TNFSF8: variants seen among roughly 807,000 people sequenced by gnomAD.
TNFSF8 encodes TNF superfamily member 8.
In TNFSF8, 4 loss-of-function variants were observed where a neutral mutation model predicts 22.0. The observed-to-expected ratio is 0.18, with a 90% confidence interval of 0.09 to 0.42. The LOEUF is 0.42. TNFSF8 is among the 10% of genes least tolerant of loss of function. The pLI, the probability that TNFSF8 is intolerant of heterozygous loss-of-function variation, is 1.00. For missense variants in TNFSF8, 233 were observed against 281.8 expected, an observed-to-expected ratio of 0.83 and a Z score of 1.24; for synonymous variants, 106 against 112.5, an observed-to-expected ratio of 0.94 and a Z score of 0.37.
chr9:114,899,070 G>C (rs188557282), downstream of TNFSF8, among the ~76,000 whole-genome samples: 40 of 152,214 alleles, frequency 2.6e-4, no homozygotes, highest in African/African-American at 9.4e-4. Flanking sequence ...TACTAAGCTC[G>C]TATTTGAACA....
At chr9:114,917,416 C>T (rs1827933086) in intron 2 of TNFSF8, among the ~76,000 whole-genome samples, 1 of 152,178 alleles carries the variant, frequency 6.6e-6, no homozygotes, top group East Asian at 1.9e-4. Context: ...CTGGGTCTTC[C>T]TTTTCCTTCT....
intron 2 of TNFSF8, among the ~76,000 whole-genome samples, chr9:114,914,195 T>G (rs1827888806): frequency 6.6e-6 from 1 of 152,078 alleles, no homozygotes; most frequent in East Asian, 1.9e-4. Flanking sequence ...CCAGGGAGGA[T>G]AGCTGTCCCT....
chr9:114,913,031 G>C, intron 2 of TNFSF8, among the ~76,000 whole-genome samples: 1 of 152,182 alleles, frequency 6.6e-6, no homozygotes, highest in East Asian at 1.9e-4. Context: ...CATCTGGCTT[G>C]TTCCCCTCAC....
downstream of TNFSF8, among the ~76,000 whole-genome samples, chr9:114,899,264 A>G (rs1371030320): frequency 6.6e-6 from 1 of 152,154 alleles, no homozygotes; most frequent in Admixed American, 6.6e-5. Flanking sequence ...GAGAAGGCAC[A>G]CTAGAATAGT....
intron 1 of TNFSF8, among the ~76,000 whole-genome samples, chr9:114,924,799 G>A (rs1031418336): frequency 6.6e-6 from 1 of 152,322 alleles, no homozygotes; most frequent in Non-Finnish European, 1.5e-5. Context: ...CGGAACCCAA[G>A]AACTTGGTGT....
chr9:114,925,700 T>C (rs1263469877), intron 1 of TNFSF8, among the ~76,000 whole-genome samples: 1 of 152,116 alleles, frequency 6.6e-6, no homozygotes, highest in Non-Finnish European at 1.5e-5. Context: ...ATTATTATTA[T>C]TTTTAAAAAA....
At chr9:114,907,919 C>A (rs1165388222) in intron 2 of TNFSF8, among the ~76,000 whole-genome samples, 1 of 152,124 alleles carries the variant, frequency 6.6e-6, no homozygotes, top group Non-Finnish European at 1.5e-5. Flanking sequence ...GAGTAGAGAT[C>A]CAAACTCAGG....
intron 2 of TNFSF8, among the ~76,000 whole-genome samples, chr9:114,914,626 T>C (rs1192770866): frequency 1.3e-5 from 2 of 152,180 alleles, no homozygotes; most frequent in Non-Finnish European, 2.9e-5. Context: ...CCAAAGGACA[T>C]AGGTTCAACC....
At chr9:114,929,134 G>T (rs1427500036) in intron 1 of TNFSF8, among the ~76,000 whole-genome samples, 1 of 152,002 alleles carries the variant, frequency 6.6e-6, no homozygotes, top group African/African-American at 2.4e-5. Flanking sequence ...AATATATACT[G>T]GTAGATTCTC....
downstream of TNFSF8, among the ~76,000 whole-genome samples, chr9:114,897,214 T>C (rs1827664920): frequency 6.6e-6 from 1 of 152,166 alleles, no homozygotes; most frequent in African/African-American, 2.4e-5. Flanking sequence ...AAATTATTTC[T>C]AAGAAAAATA....
chr9:114,909,118 G>A (rs780246059), intron 2 of TNFSF8, among the ~76,000 whole-genome samples: 5 of 152,214 alleles, frequency 3.3e-5, no homozygotes, highest in African/African-American at 4.8e-5. Context: ...CAAAAAAGAG[G>A]TGGGCTGCTT....
chr9:114,903,852 CT>C lies in TNFSF8; in HGVS notation c.*78del, dbSNP rs1564367412. 6.6e-7 allele frequency: 1 copy of C among 1,519,102 alleles called. No homozygotes were observed. 94.1% of individuals were successfully genotyped at this position (1,519,102 alleles called of 1,614,324 possible). A position where few individuals can be genotyped will look rare whatever the true frequency, so the allele number is the denominator to read the frequency against. On this transcript the variant is annotated 3_prime_UTR_variant, in exon 4 of 4. Transcript: ENST00000223795. ...GTAGTTTGTCTTGGTCTAAAGTTTT[CT>C]TTTTGCCCAAGTGTTTGGAGGGATG... is the stretch of plus-strand genomic sequence containing the variant.
At chr9:114,923,861 A>G (rs1239595009) in intron 1 of TNFSF8, among the ~76,000 whole-genome samples, 3 of 152,184 alleles carry the variant, frequency 2.0e-5, no homozygotes, top group Non-Finnish European at 2.9e-5. Context: ...TACAAAGGCG[A>G]TAGTTGGTGG....
chr9:114,909,790 C>T (rs1334601398), intron 2 of TNFSF8, among the ~76,000 whole-genome samples: 1 of 152,144 alleles, frequency 6.6e-6, no homozygotes, highest in African/African-American at 2.4e-5. Context: ...CAGACACCTG[C>T]AGTAGTAGAA....
rs1827747014 is a variant in TNFSF8 at position 114,903,781 on chromosome 9, A to G, written c.*150T>C. 1 of 1,414,030 alleles carries G rather than the reference A, an allele frequency of 7.1e-7. No homozygotes were observed. The highest frequency in any genetic ancestry group is 1.5e-5 in the African/African-American group (1 of 68,802). The allele number at this position is 1,414,030 out of a possible 1,614,324, so 87.6% of individuals were successfully genotyped here. On this transcript the variant is annotated 3_prime_UTR_variant, in exon 4 of 4. Transcript: ENST00000223795. ...ACTCTCTTTTTAACCCTGGAGCTGT[A>G]TCTTTCCAAGAGACAGAAGGAGAAG... is the stretch of plus-strand genomic sequence containing the variant.
chr9:114,929,764 G>GT (rs1188320447), intron 1 of TNFSF8, among the ~76,000 whole-genome samples: 5 of 151,696 alleles, frequency 3.3e-5, no homozygotes, highest in Admixed American at 3.3e-4. Context: ...CCCCTCCACT[G>GT]TTTTGCTCAG....
At chr9:114,923,392 G>T (rs1460189574) in intron 1 of TNFSF8, among the ~76,000 whole-genome samples, 1 of 152,040 alleles carries the variant, frequency 6.6e-6, no homozygotes, top group East Asian at 1.9e-4. Context: ...ATTCAGACAA[G>T]GATCATTAAG....
At chr9:114,923,678 C>T (rs941518570) in intron 1 of TNFSF8, among the ~76,000 whole-genome samples, 6 of 151,860 alleles carry the variant, frequency 4.0e-5, no homozygotes, top group East Asian at 1.9e-4. Context: ...CCACCACATC[C>T]GGCTAATTTT....
intron 1 of TNFSF8, 52 bp from the exon 2 acceptor site, chr9:114,918,190 C>A: frequency 1.3e-6 from 2 of 1,538,640 alleles, no homozygotes; most frequent in East Asian, 2.3e-5. Context: ...TCAGTTGAAA[C>A]AACTTTTTTT....
Sources: gnomAD v4.1 joint callset for allele counts (sites outside exome capture counted in the v4.1 genomes callset) on GRCh38, gnomAD v4.1.1 for gene constraint, MANE v1.5 for transcripts, NCBI Gene and HGNC (gene_info 2026-07-23, HGNC 2026-07-21) for gene names.